The following TFCP2L1 variants were observed in gnomAD, a reference collection of about 807,000 sequenced individuals.
TFCP2L1 encodes transcription factor CP2-like protein 1.
TFCP2L1 carries 12 observed loss-of-function variants against 72.2 expected under a neutral mutation model. That is an observed-to-expected ratio of 0.17 (90% CI 0.11 to 0.27). The LOEUF (loss-of-function observed/expected upper bound fraction) is 0.27, where lower values mean the gene tolerates loss of function less well. Among genes scored for constraint, TFCP2L1 ranks in the 10% least tolerant of loss-of-function variants. TFCP2L1 has a pLI of 1.00. For missense variants in TFCP2L1, 488 were observed against 624.6 expected (o/e 0.78, Z 2.33); for synonymous variants, 260 against 251.0 (o/e 1.04, Z -0.34).
chr2:121,237,592 T>C (rs761135270), intron 10 of TFCP2L1, 31 bp downstream of exon 10: 74 of 1,612,380 alleles, frequency 4.6e-5, no homozygotes, highest in Non-Finnish European at 5.9e-5. Context: ...AAGATACTCA[T>C]GGGCTTTAAA....
At chr2:121,248,916 AG>A in intron 4 of TFCP2L1, 65 bp downstream of exon 4, 1 of 1,321,460 alleles carries the variant, frequency 7.6e-7, no homozygotes, top group Non-Finnish European at 1.0e-6. Flanking sequence ...GGTGGCATCC[AG>A]GAAGAACCCA....
chr2:121,238,062 G>C (rs11689538), intron 8 of TFCP2L1, among the ~76,000 whole-genome samples: 17,227 of 152,224 alleles, frequency 0.11, 1,109 homozygotes, highest in Middle Eastern at 0.15. Context: ...ATTGTAGACA[G>C]CAAGTTCTGA....
intron 6 of TFCP2L1, among the ~76,000 whole-genome samples, chr2:121,243,875 A>G (rs141426980): frequency 6.6e-6 from 1 of 152,186 alleles, no homozygotes; most frequent in Admixed American, 6.5e-5. Flanking sequence ...AATGTAATGC[A>G]CTGAATCATC....
At chr2:121,228,581 G>A (rs534026649) in intron 13 of TFCP2L1, among the ~76,000 whole-genome samples, 8 of 150,358 alleles carry the variant, frequency 5.3e-5, no homozygotes, top group East Asian at 2.0e-4. Flanking sequence ...GCAACATGGC[G>A]AAATGTTGTC....
chr2:121,257,534 G>A (rs1321137087), intron 2 of TFCP2L1, among the ~76,000 whole-genome samples: 7 of 152,178 alleles, frequency 4.6e-5, no homozygotes, highest in African/African-American at 7.2e-5. Flanking sequence ...CAGGGGGGAG[G>A]CCAGATAAAA....
chr2:121,278,146 C>T (rs1687183884), intron 2 of TFCP2L1, among the ~76,000 whole-genome samples: 1 of 148,580 alleles, frequency 6.7e-6, no homozygotes, highest in African/African-American at 2.4e-5. Flanking sequence ...ACGCCATTCT[C>T]CTGCCTCAGC....
At chr2:121,232,531 G>A (rs1362128520) in intron 12 of TFCP2L1, among the ~76,000 whole-genome samples, 2 of 152,188 alleles carry the variant, frequency 1.3e-5, no homozygotes, top group African/African-American at 4.8e-5. Context: ...GTGACACCCA[G>A]ATGGGCTGAA....
In TFCP2L1 at chr2:121,239,634, C is replaced by T. The variant is rs769312580; in HGVS notation, c.784G>A (p.Asp262Asn). ...TILTECSPWP[D>N]VAYQVNSAPS... Reference sequence around the variant, plus strand: ...GCGCTGTTCACCTGGTAGGCCACGTCGGGCCATGGAGAGCACTGCAGGAGA... The same window carrying T: ...GCGCTGTTCACCTGGTAGGCCACGTTGGGCCATGGAGAGCACTGCAGGAGA... The change falls in exon 8 of 15, where the codon GAC becomes AAC. Residue 262 changes from aspartate to asparagine, a missense_variant. Asp to Asn is a conservative substitution (Grantham distance 23, BLOSUM62 1). This residue lies in a region of TFCP2L1 where 286 missense variants were observed against 329.0 expected (regional missense o/e 0.87). Coordinates refer to ENST00000263707, the MANE Select transcript of TFCP2L1 (RefSeq NM_014553.3). 14 of 1,613,978 alleles carry T rather than the reference C, an allele frequency of 8.7e-6. No homozygotes were observed. The highest frequency in any genetic ancestry group is 6.7e-5 in the Admixed American group (4 of 60,006).
At chr2:121,244,207 C>T (rs1171631660) in intron 6 of TFCP2L1, among the ~76,000 whole-genome samples, 1 of 152,240 alleles carries the variant, frequency 6.6e-6, no homozygotes, top group East Asian at 1.9e-4. Context: ...AGGGCACGCA[C>T]TGGGCCTTGA....
chr2:121,254,028 C>T (rs1028060439), intron 2 of TFCP2L1, among the ~76,000 whole-genome samples: 5 of 152,166 alleles, frequency 3.3e-5, no homozygotes, highest in Non-Finnish European at 7.3e-5. Context: ...GCTGAACTGA[C>T]CTAGGGCACA....
In TFCP2L1 at chr2:121,219,448, C is replaced by G. The variant is rs1301379359; in HGVS notation, c.*4893G>C. 6.6e-6 allele frequency: 1 copy of G among 152,248 alleles called. No homozygotes were observed. The highest frequency in any genetic ancestry group is 1.5e-5 in the Non-Finnish European group (1 of 68,084). 9.4% of individuals were successfully genotyped at this position (152,248 alleles called of 1,614,324 possible). ...CTGGCAAGGAATATCTGGGAGCCCC[C>G]ATAAGTTTGCGGAGGAAGTAGTCAG... On this transcript the variant is annotated 3_prime_UTR_variant, in exon 15 of 15. Coordinates refer to ENST00000263707, the MANE Select transcript of TFCP2L1 (RefSeq NM_014553.3).
At chr2:121,264,735 G>A (rs148569987) in intron 2 of TFCP2L1, among the ~76,000 whole-genome samples, 1 of 152,322 alleles carries the variant, frequency 6.6e-6, no homozygotes, top group Non-Finnish European at 1.5e-5. Context: ...CGCTTCGGGG[G>A]CCCAGCTTTG....
intron 13 of TFCP2L1, among the ~76,000 whole-genome samples, chr2:121,230,183 G>C (rs1434686800): frequency 2.0e-5 from 3 of 152,040 alleles, no homozygotes; most frequent in African/African-American, 7.2e-5. Context: ...GCTTTGTTTT[G>C]TTTTTGAGAT....
chr2:121,282,551 A>G (rs553436710), intron 1 of TFCP2L1, among the ~76,000 whole-genome samples: 1 of 152,066 alleles, frequency 6.6e-6, no homozygotes, highest in Non-Finnish European at 1.5e-5. Context: ...AAAGAAACAA[A>G]AAACCCAGCA....
Position 121,218,453 on chromosome 2 carries a change from G to A in TFCP2L1, c.*5888C>T, listed in dbSNP as rs1184234749. The A allele has an allele frequency of 6.6e-6, 1 of 152,248 alleles. No homozygotes were observed. Among genetic ancestry groups the A allele is most frequent in the African/African-American group, 2.4e-5 (1 of 41,436 alleles). 9.4% of individuals were successfully genotyped at this position (152,248 alleles called of 1,614,324 possible). ...CGGTAAGTGCTGATACAGGATGAGGGGTGCGGAGCTGAGGATGTTGTTCTC... is the reference window on the plus strand; with the variant it reads ...CGGTAAGTGCTGATACAGGATGAGGAGTGCGGAGCTGAGGATGTTGTTCTC... On this transcript the variant is annotated 3_prime_UTR_variant, in exon 15 of 15. Coordinates refer to ENST00000263707, the MANE Select transcript of TFCP2L1 (RefSeq NM_014553.3).
chr2:121,272,243 G>A (rs376703490), intron 2 of TFCP2L1, among the ~76,000 whole-genome samples: 51 of 152,306 alleles, frequency 3.3e-4, no homozygotes, highest in African/African-American at 1.1e-3. Context: ...TGGGAACGAC[G>A]CATCTTGGGA....
intron 2 of TFCP2L1, among the ~76,000 whole-genome samples, chr2:121,277,022 A>G (rs1446643386): frequency 6.6e-6 from 1 of 152,184 alleles, no homozygotes; most frequent in Non-Finnish European, 1.5e-5. Flanking sequence ...GCCTGCAACC[A>G]TCAGAGAAAA....
At chr2:121,278,031 T>C (rs961848128) in intron 2 of TFCP2L1, among the ~76,000 whole-genome samples, 10 of 34,800 alleles carry the variant, frequency 2.9e-4, no homozygotes, top group African/African-American at 7.9e-4. Context: ...TTTTCTCTCT[T>C]TTTTTTTTTT....
intron 2 of TFCP2L1, among the ~76,000 whole-genome samples, chr2:121,270,390 C>A (rs1687022121): frequency 6.6e-6 from 1 of 152,300 alleles, no homozygotes; most frequent in East Asian, 1.9e-4. Context: ...TCACAAAGTA[C>A]AAACTGGCAC....
Sources: gnomAD v4.1 joint callset for allele counts (sites outside exome capture counted in the v4.1 genomes callset) on GRCh38, gnomAD v4.1.1 for gene constraint, gnomAD v4.1.1 regional missense constraint, MANE v1.5 for transcripts, NCBI Gene and HGNC (gene_info 2026-07-23, HGNC 2026-07-21) for gene names.